TMC2: variants seen among roughly 807,000 people sequenced by gnomAD.
TMC2 encodes transmembrane channel-like protein 2.
TMC2 carries 102 observed loss-of-function variants against 105.9 expected under a neutral mutation model. The observed-to-expected ratio is 0.96, with a 90% confidence interval of 0.82 to 1.14. TMC2 has a LOEUF of 1.14. Ranked by LOEUF, TMC2 falls within the 50% of genes most tolerant of loss-of-function variation. The probability of loss-of-function intolerance (pLI) is 0.00; values close to 1 mark genes in which losing one functional copy is unlikely to be tolerated. For missense variants in TMC2, 1,093 were observed against 1,134.3 expected (o/e 0.96, Z 0.52); for synonymous variants, 402 against 422.8 (o/e 0.95, Z 0.60).
At chr20:2,560,155 A>G (rs1434548883) in intron 3 of TMC2, among the ~76,000 whole-genome samples, 1 of 152,154 alleles carries the variant, frequency 6.6e-6, no homozygotes, top group Non-Finnish European at 1.5e-5. Context: ...TTTGAATAAC[A>G]GGTGGAATCT....
intron 2 of TMC2, among the ~76,000 whole-genome samples, chr20:2,551,810 C>T (rs2085958420): frequency 6.6e-6 from 1 of 152,196 alleles, no homozygotes; most frequent in South Asian, 2.1e-4. Flanking sequence ...TATTTCTGAG[C>T]TCTCTATTCC....
At chr20:2,561,303 T>C (rs1281269408) in intron 3 of TMC2, among the ~76,000 whole-genome samples, 21 of 152,226 alleles carry the variant, frequency 1.4e-4, no homozygotes, top group Admixed American at 1.4e-3. Context: ...TGGGCAAATC[T>C]ACTTTTTTCA....
rs190197535 is a variant in TMC2, at chr20:2,642,836, G to A, written c.*1485G>A. Among the ~76,000 whole-genome samples, 5 of 152,118 alleles carry A rather than the reference G, an allele frequency of 3.3e-5. No individual in the cohort carries two copies. Among genetic ancestry groups the A allele is most frequent in the Non-Finnish European group, 7.3e-5 (5 of 68,034 alleles). ...CACCCATGTCTCTGAGTGTTCTAAA[G>A]AGAGTCAGCCACCTTAACCTCATCA... On this transcript the variant is annotated 3_prime_UTR_variant, in exon 20 of 20. Coordinates refer to ENST00000358864, the MANE Select transcript of TMC2 (RefSeq NM_080751.3).
chr20:2,570,904 A>G (rs1376529699), intron 4 of TMC2, among the ~76,000 whole-genome samples: 1 of 152,150 alleles, frequency 6.6e-6, no homozygotes, highest in Non-Finnish European at 1.5e-5. Context: ...ATGGGGAAGG[A>G]CTCCCTATTC....
intron 18 of TMC2, among the ~76,000 whole-genome samples, chr20:2,637,143 C>A (rs1462967779): frequency 6.6e-6 from 1 of 151,790 alleles, no homozygotes; most frequent in Non-Finnish European, 1.5e-5. Flanking sequence ...AATCCCAGCA[C>A]TTTGTGAGGC....
intron 17 of TMC2, among the ~76,000 whole-genome samples, chr20:2,635,573 AGCTT>A (rs1259224641): frequency 1.3e-5 from 2 of 152,146 alleles, no homozygotes; most frequent in Non-Finnish European, 2.9e-5. Flanking sequence ...CATGGCACAG[AGCTT>A]GGCACAGGGC....
chr20:2,589,958 C>A (rs527348728), intron 7 of TMC2, among the ~76,000 whole-genome samples: 1 of 152,260 alleles, frequency 6.6e-6, no homozygotes, highest in Admixed American at 6.5e-5. Flanking sequence ...CATGAGCCAC[C>A]GCGCATGGCC....
At chr20:2,554,868 G>C (rs1452399987) in intron 2 of TMC2, among the ~76,000 whole-genome samples, 2 of 152,114 alleles carry the variant, frequency 1.3e-5, no homozygotes, top group African/African-American at 4.8e-5. Flanking sequence ...GTCTATTTTG[G>C]TGAATGTTCC....
intron 17 of TMC2, among the ~76,000 whole-genome samples, chr20:2,628,700 A>C (rs1372289664): frequency 6.6e-6 from 1 of 152,140 alleles, no homozygotes; most frequent in African/African-American, 2.4e-5. Flanking sequence ...TTCACCTTCC[A>C]CCTGTAAGTT....
intron 1 of TMC2, 33 bp from the exon 2 acceptor site, chr20:2,537,236 C>T (rs1308674410): frequency 1.3e-6 from 2 of 1,584,238 alleles, no homozygotes; most frequent in Non-Finnish European, 1.7e-6. Context: ...TCACCAGAGG[C>T]CAGCCATTTG....
At chr20:2,544,085 T>TC (rs942012956) in intron 2 of TMC2, among the ~76,000 whole-genome samples, 1 of 140,330 alleles carries the variant, frequency 7.1e-6, no homozygotes, top group African/African-American at 2.7e-5. Context: ...TTTTTTTTTT[T>TC]TTGTATTTTT....
chr20:2,571,675 C>A (rs1200532209), intron 4 of TMC2, among the ~76,000 whole-genome samples: 1 of 152,132 alleles, frequency 6.6e-6, no homozygotes, highest in Non-Finnish European at 1.5e-5. Context: ...TGGGGCCATG[C>A]AGATGACCCA....
chr20:2,538,433 G>T (rs888368824), intron 2 of TMC2, among the ~76,000 whole-genome samples: 3 of 152,152 alleles, frequency 2.0e-5, no homozygotes, highest in African/African-American at 7.2e-5. Flanking sequence ...CCCCAGGGTG[G>T]CCAGACGAGA....
chr20:2,610,652 T>A lies in TMC2; in HGVS notation c.1593+54T>A, dbSNP rs991676180. The A allele has an allele frequency of 1.2e-5, 14 of 1,127,148 alleles. No homozygotes were observed. In the African/African-American group the frequency reaches 2.3e-4, roughly 18 times the overall value. 69.8% of individuals were successfully genotyped at this position (1,127,148 alleles called of 1,614,324 possible). A position where few individuals can be genotyped will look rare whatever the true frequency, so the allele number is the denominator to read the frequency against. On this transcript the variant is annotated intron_variant, in intron 12 of 19. Coordinates refer to ENST00000358864, the MANE Select transcript of TMC2 (RefSeq NM_080751.3). ...TGCAATTCCTGGTGCCCATAGTATT[T>A]TCTTTTTTAATATAATAATTTCATT...
chr20:2,628,984 C>A (rs1381618581), intron 17 of TMC2, among the ~76,000 whole-genome samples: 1 of 151,352 alleles, frequency 6.6e-6, no homozygotes, highest in Admixed American at 6.6e-5. Context: ...CGCCTGTGGT[C>A]CCAGCTACTC....
At chr20:2,576,080 T>C (rs1201467503) in intron 5 of TMC2, among the ~76,000 whole-genome samples, 1 of 152,250 alleles carries the variant, frequency 6.6e-6, no homozygotes, top group African/African-American at 2.4e-5. Flanking sequence ...TGCAATAATA[T>C]TTCCCAGGCC....
Position 2,572,159 on chromosome 20 carries a change from T to C in TMC2, c.555-20T>C, listed in dbSNP as rs1883981. 6.7e-7 allele frequency: 1 copy of C among 1,490,934 alleles called. No individual in the cohort carries two copies. The highest frequency in any genetic ancestry group is 1.8e-5 in the Admixed American group (1 of 55,508). The allele number at this position is 1,490,934 out of a possible 1,614,324, so 92.4% of individuals were successfully genotyped here. On this transcript the variant is annotated intron_variant, in intron 4 of 19. Coordinates refer to ENST00000358864, the MANE Select transcript of TMC2 (RefSeq NM_080751.3). Reference sequence around the variant, plus strand: ...TTAGGTGCTAACTGAAATCCTGCTTTTTTTTTTTTTTCTAAGCAGGGAGGC... The same window carrying C: ...TTAGGTGCTAACTGAAATCCTGCTTCTTTTTTTTTTTCTAAGCAGGGAGGC...
chr20:2,599,517 C>T (rs1170688354), intron 10 of TMC2, among the ~76,000 whole-genome samples: 9 of 116,558 alleles, frequency 7.7e-5, no homozygotes, highest in South Asian at 2.9e-4. Flanking sequence ...CCAAGTTCTT[C>T]GTTTTTTTTT....
Position 2,558,261 on chromosome 20 carries a change from G to T in TMC2, c.83-195G>T. The T allele has an allele frequency of 3.0e-6, 4 of 1,342,350 alleles. No individual in the cohort carries two copies. Among genetic ancestry groups the T allele is most frequent in the Non-Finnish European group, 4.0e-6 (4 of 1,010,972 alleles). The allele number at this position is 1,342,350 out of a possible 1,614,324, so 83.2% of individuals were successfully genotyped here. On this transcript the variant is annotated intron_variant, in intron 2 of 19. Transcript: ENST00000358864. This position sits in a 1 kb window ranked among gnomAD's most constrained non-coding sequence, Gnocchi z 4.6. Reference sequence around the variant, plus strand: ...GCCAGAGAGTGACCTTCCTGCTTCTGCAGTTTTCTTAGTTTCCTTCAGCTT... The same window carrying T: ...GCCAGAGAGTGACCTTCCTGCTTCTTCAGTTTTCTTAGTTTCCTTCAGCTT...
Sources: gnomAD v4.1 joint callset for allele counts (sites outside exome capture counted in the v4.1 genomes callset) on GRCh38, gnomAD v4.1.1 for gene constraint, Gnocchi (gnomAD v3.1) non-coding constraint, MANE v1.5 for transcripts, NCBI Gene and HGNC (gene_info 2026-07-23, HGNC 2026-07-21) for gene names.